The following SGMS1 variants were observed in gnomAD, a reference collection of about 807,000 sequenced individuals.
SGMS1 encodes sphingomyelin synthase 1, also known as phosphatidylcholine:ceramide cholinephosphotransferase 1.
A neutral mutation model predicts 46.2 loss-of-function variants in SGMS1; 13 were observed. The ratio of observed to expected loss-of-function variants is 0.28; its 90% confidence interval spans 0.18 to 0.45. The LOEUF is 0.45. SGMS1 is among the 20% of genes least tolerant of loss of function. SGMS1 has a pLI of 1.00. For missense variants in SGMS1, 324 were observed against 519.9 expected (o/e 0.62, Z 3.66); for synonymous variants, 203 against 187.8 (o/e 1.08, Z -0.66).
At chr10:50,378,274 G>A (rs1202621381) in intron 6 of SGMS1, among the ~76,000 whole-genome samples, 1 of 152,074 alleles carries the variant, frequency 6.6e-6, no homozygotes, top group South Asian at 2.1e-4. Context: ...TTACGGCAGA[G>A]CAACCCAAAC....
intron 6 of SGMS1, among the ~76,000 whole-genome samples, chr10:50,391,720 T>C (rs1045348543): frequency 6.6e-6 from 1 of 151,888 alleles, no homozygotes. Flanking sequence ...TGCACATGTA[T>C]GTTCATCATA....
Position 50,355,054 on chromosome 10 carries a change from A to G in SGMS1, c.-231-10709T>C, listed in dbSNP as rs539744598. ...TGTGATGATTCCTCAGGGATCTAGAACTAGAAATATCATTTGACCCAGCCA... is the reference window on the plus strand; with the variant it reads ...TGTGATGATTCCTCAGGGATCTAGAGCTAGAAATATCATTTGACCCAGCCA... On this transcript the variant is annotated intron_variant, in intron 6 of 10. Coordinates refer to ENST00000361781, the MANE Select transcript of SGMS1 (RefSeq NM_147156.4). Among the ~76,000 whole-genome samples the G allele has an allele frequency of 5.9e-5, 9 of 152,348 alleles. No homozygotes were observed. In the East Asian group the frequency reaches 1.4e-3, roughly 23 times the overall value.
At chr10:50,384,531 G>A (rs1424275681) in intron 6 of SGMS1, among the ~76,000 whole-genome samples, 1 of 150,516 alleles carries the variant, frequency 6.6e-6, no homozygotes, top group Non-Finnish European at 1.5e-5. Flanking sequence ...TGAAATGCAA[G>A]TGGTGCAATC....
chr10:50,461,202 T>C (rs1837260355), intron 4 of SGMS1, among the ~76,000 whole-genome samples: 1 of 152,178 alleles, frequency 6.6e-6, no homozygotes, highest in Non-Finnish European at 1.5e-5. Flanking sequence ...AGTTTCAGCT[T>C]CAAACTGAAA....
chr10:50,488,418 T>C (rs1837541013), intron 3 of SGMS1, among the ~76,000 whole-genome samples: 1 of 152,188 alleles, frequency 6.6e-6, no homozygotes. Context: ...ATGCCATAGC[T>C]ATGGGTACAG....
At chr10:50,562,833 C>G (rs1838253443) in intron 2 of SGMS1, among the ~76,000 whole-genome samples, 1 of 152,134 alleles carries the variant, frequency 6.6e-6, no homozygotes. Context: ...CGTGAGCCAC[C>G]GCGCCCGGCC....
At chr10:50,608,469 T>A (rs1254496917) in intron 1 of SGMS1, among the ~76,000 whole-genome samples, 1 of 152,204 alleles carries the variant, frequency 6.6e-6, no homozygotes, top group Non-Finnish European at 1.5e-5. Context: ...CAGCACAGGC[T>A]GTACACCACA....
At chr10:50,433,389 G>A (rs769431608) in intron 6 of SGMS1, 87 bp downstream of exon 6, 1 of 152,304 alleles carries the variant, frequency 6.6e-6, no homozygotes, top group Non-Finnish European at 1.5e-5. Context: ...CAAGTTAGTT[G>A]ATTGTGCTAT....
At chr10:50,552,953 A>T (rs931568002) in intron 2 of SGMS1, among the ~76,000 whole-genome samples, 1 of 152,234 alleles carries the variant, frequency 6.6e-6, no homozygotes, top group Non-Finnish European at 1.5e-5. Flanking sequence ...GACAGGCACC[A>T]TAAACTGGTA....
chr10:50,415,825 G>A (rs895864926), intron 6 of SGMS1, among the ~76,000 whole-genome samples: 1 of 152,094 alleles, frequency 6.6e-6, no homozygotes, highest in East Asian at 1.9e-4. Flanking sequence ...AGGTGCTAAC[G>A]TAAATTTAAA....
At chr10:50,595,291 T>C (rs1838579910) in intron 1 of SGMS1, among the ~76,000 whole-genome samples, 1 of 152,110 alleles carries the variant, frequency 6.6e-6, no homozygotes, top group Non-Finnish European at 1.5e-5. Flanking sequence ...TTCTCCTGTC[T>C]CAGCCTCGTG....
At chr10:50,418,711 A>G (rs996119293) in intron 6 of SGMS1, among the ~76,000 whole-genome samples, 1 of 152,208 alleles carries the variant, frequency 6.6e-6, no homozygotes, top group African/African-American at 2.4e-5. Context: ...TCGATTAGTA[A>G]AAGTTTTTGA....
intron 1 of SGMS1, among the ~76,000 whole-genome samples, chr10:50,618,620 G>A (rs1485753650): frequency 1.3e-5 from 2 of 152,192 alleles, no homozygotes; most frequent in Non-Finnish European, 2.9e-5. Flanking sequence ...AAACTAGAAA[G>A]TTGGTTAATA....
intron 3 of SGMS1, among the ~76,000 whole-genome samples, chr10:50,495,098 C>T (rs941650095): frequency 7.1e-6 from 1 of 141,016 alleles, no homozygotes; most frequent in African/African-American, 2.7e-5. Context: ...ATTAGCCGGA[C>T]GTGCTTGCAG....
At chr10:50,331,818 GTGGGCTCAC>G (rs1847627794) in intron 7 of SGMS1, among the ~76,000 whole-genome samples, 1 of 143,988 alleles carries the variant, frequency 6.9e-6, no homozygotes, top group Non-Finnish European at 1.5e-5. Flanking sequence ...GACAATAGAG[GTGGGCTCAC>G]CCTTCTGAAA....
At chr10:50,418,667 T>C (rs760642127) in intron 6 of SGMS1, among the ~76,000 whole-genome samples, 13 of 152,210 alleles carry the variant, frequency 8.5e-5, no homozygotes, top group Non-Finnish European at 1.6e-4. Flanking sequence ...AGGATTAATC[T>C]TACGAAAGAT....
chr10:50,426,445 G>A (rs982087837), intron 6 of SGMS1, among the ~76,000 whole-genome samples: 16 of 152,264 alleles, frequency 1.1e-4, no homozygotes, highest in Admixed American at 3.3e-4. Flanking sequence ...GGTATGAAAT[G>A]TAGTATTAAA....
intron 2 of SGMS1, among the ~76,000 whole-genome samples, chr10:50,574,960 G>GATATATATATATATATATATATATAT (rs1564435528): frequency 9.5e-5 from 4 of 42,172 alleles, no homozygotes; most frequent in Non-Finnish European, 1.8e-4. Flanking sequence ...AGGAAAATGT[G>GATATATATATATATATATATATATAT]GTGTATATAT....
intron 1 of SGMS1, among the ~76,000 whole-genome samples, chr10:50,615,535 G>A (rs1588893689): frequency 6.6e-6 from 1 of 152,322 alleles, no homozygotes; most frequent in South Asian, 2.1e-4. Context: ...CGATGAGGCT[G>A]AGATCCAAAC....
Sources: gnomAD v4.1 joint callset for allele counts (sites outside exome capture counted in the v4.1 genomes callset) on GRCh38, gnomAD v4.1.1 for gene constraint, MANE v1.5 for transcripts, NCBI Gene and HGNC (gene_info 2026-07-23, HGNC 2026-07-21) for gene names.